The following TPRG1 variants were observed in gnomAD, a reference collection of about 807,000 sequenced individuals.
The protein encoded by TPRG1 is tumor protein p63-regulated gene 1 protein.
In TPRG1, 29 loss-of-function variants were observed where a neutral mutation model predicts 29.3. That is an observed-to-expected ratio of 0.99 (90% confidence interval 0.74 to 1.35). The LOEUF is 1.35. Among genes scored for constraint, TPRG1 ranks in the 40% most tolerant of loss-of-function variants. The pLI is 0.00. For synonymous variants in TPRG1, 130 were observed against 116.8 expected, an observed-to-expected ratio of 1.11 and a Z score of -0.73; for missense variants, 327 against 335.0, an observed-to-expected ratio of 0.98 and a Z score of 0.19.
chr3:189,113,105 T>C (rs966742146), intron 1 of TPRG1, among the ~76,000 whole-genome samples: 2 of 152,186 alleles, frequency 1.3e-5, no homozygotes, highest in African/African-American at 4.8e-5. Context: ...CCTTGTAAGT[T>C]GGATTCCTAG....
chr3:189,044,882 A>G (rs926479410), intron 4 of TPRG1, among the ~76,000 whole-genome samples: 2 of 152,232 alleles, frequency 1.3e-5, no homozygotes, highest in African/African-American at 2.4e-5. Context: ...TAAACATACA[A>G]GAGTATAGTA....
chr3:189,281,550 G>A (rs902128781), intron 4 of TPRG1, among the ~76,000 whole-genome samples: 1 of 152,118 alleles, frequency 6.6e-6, no homozygotes, highest in Non-Finnish European at 1.5e-5. Flanking sequence ...ATATGTGTGT[G>A]TGTGCACGTG....
At chr3:189,161,181 G>A (rs1304353899) in intron 5 of TPRG1, among the ~76,000 whole-genome samples, 1 of 149,420 alleles carries the variant, frequency 6.7e-6, no homozygotes, top group Non-Finnish European at 1.5e-5. Flanking sequence ...TGTCTTTTAC[G>A]ACATACAACT....
chr3:189,185,558 T>C (rs895380898), intron 1 of TPRG1, among the ~76,000 whole-genome samples: 8 of 147,192 alleles, frequency 5.4e-5, no homozygotes, highest in African/African-American at 1.9e-4. Context: ...ATTTACGACA[T>C]TTTTTTTTCC....
intron 1 of TPRG1, among the ~76,000 whole-genome samples, chr3:188,999,165 G>A (rs904772536): frequency 2.6e-5 from 4 of 152,194 alleles, no homozygotes; most frequent in Non-Finnish European, 5.9e-5. Context: ...TCAGGGGAAC[G>A]TAAGAGCTGG....
chr3:189,199,404 T>C (rs1025813510), intron 1 of TPRG1, among the ~76,000 whole-genome samples: 7 of 152,182 alleles, frequency 4.6e-5, no homozygotes, highest in Non-Finnish European at 1.0e-4. Flanking sequence ...AATAATTTAG[T>C]CCAACAGTTT....
intron 3 of TPRG1, among the ~76,000 whole-genome samples, chr3:189,136,588 C>T (rs1723773142): frequency 6.6e-6 from 1 of 152,174 alleles, no homozygotes; most frequent in Admixed American, 6.5e-5. Flanking sequence ...GCTAACTGGA[C>T]AACAAAGATA....
intron 1 of TPRG1, among the ~76,000 whole-genome samples, chr3:189,206,453 A>G (rs1734381647): frequency 1.3e-5 from 2 of 150,468 alleles, no homozygotes; most frequent in South Asian, 4.2e-4. Context: ...TCTTTTATAT[A>G]TAACCTGGTA....
chr3:189,073,534 T>C (rs1015470835), intron 4 of TPRG1, among the ~76,000 whole-genome samples: 8 of 152,206 alleles, frequency 5.3e-5, no homozygotes, highest in Non-Finnish European at 1.0e-4. Flanking sequence ...TAAATTTATC[T>C]AAAACACTCT....
chr3:189,022,375 G>C (rs1273365646), intron 3 of TPRG1, among the ~76,000 whole-genome samples: 1 of 147,216 alleles, frequency 6.8e-6, no homozygotes, highest in African/African-American at 2.5e-5. Context: ...ATCTACTTTT[G>C]GTCTTTGATG....
intron 2 of TPRG1, among the ~76,000 whole-genome samples, chr3:189,209,069 T>C (rs532514129): frequency 1.3e-5 from 2 of 152,340 alleles, no homozygotes; most frequent in African/African-American, 4.8e-5. Flanking sequence ...CTGGAACCTA[T>C]GTCTGTCTCC....
At chr3:189,091,235 G>A (rs188527087) in intron 4 of TPRG1, among the ~76,000 whole-genome samples, 1 of 152,102 alleles carries the variant, frequency 6.6e-6, no homozygotes, top group Admixed American at 6.5e-5. Flanking sequence ...CCAGTGGTTT[G>A]TAAACAGTGC....
At chr3:189,283,148 A>G (rs73055983) in intron 4 of TPRG1, among the ~76,000 whole-genome samples, 3,337 of 152,304 alleles carry the variant, frequency 0.022, 135 homozygotes, top group African/African-American at 0.077. Flanking sequence ...ATTACCAGAG[A>G]GTTTATGTAT....
intron 3 of TPRG1, among the ~76,000 whole-genome samples, chr3:189,146,230 A>G (rs557037808): frequency 2.6e-5 from 4 of 152,276 alleles, no homozygotes; most frequent in Admixed American, 2.0e-4. Context: ...TGCCGTGACT[A>G]AAGATCAGTT....
At chr3:189,115,805 T>C (rs1252043824) in intron 1 of TPRG1, among the ~76,000 whole-genome samples, 6 of 152,238 alleles carry the variant, frequency 3.9e-5, no homozygotes, top group Admixed American at 3.9e-4. Flanking sequence ...TACGAAGGTC[T>C]AAACTTTATC....
At chr3:189,209,917 A>C (rs185947798) in intron 2 of TPRG1, among the ~76,000 whole-genome samples, 4 of 152,314 alleles carry the variant, frequency 2.6e-5, no homozygotes, top group Admixed American at 1.3e-4. Context: ...CCTTCAGACC[A>C]ACAAACATAG....
rs140585626 is a variant in TPRG1, at chr3:189,051,555, G to A, written c.-463+27609G>A. Among the ~76,000 whole-genome samples the A allele has an allele frequency of 2.3e-4, 35 of 151,916 alleles. 1 individual carries two copies. The highest frequency in any genetic ancestry group is 2.3e-3 in the South Asian group (11 of 4,808). ...CTACAAATTCAAGCAATCCTCATCAGAATACCAGGATCTTTCTTCACAGAA... is the reference window on the plus strand; with the variant it reads ...CTACAAATTCAAGCAATCCTCATCAAAATACCAGGATCTTTCTTCACAGAA... On this transcript the variant is annotated intron_variant, in intron 4 of 10. Transcript: ENST00000433971.
chr3:189,208,905 G>C (rs749174751), intron 2 of TPRG1, among the ~76,000 whole-genome samples: 1 of 152,202 alleles, frequency 6.6e-6, no homozygotes, highest in Non-Finnish European at 1.5e-5. Flanking sequence ...TGGGACTATG[G>C]AAAGTTGTTT....
At position 189,107,801 on chromosome 3, in the gene TPRG1, G is replaced by T. The variant is rs531396302; in HGVS notation, c.-744+7597G>T. Among the ~76,000 whole-genome samples, 128 of 152,060 alleles carry T rather than the reference G, an allele frequency of 8.4e-4. 1 individual carries two copies. Among genetic ancestry groups the T allele is most frequent in the African/African-American group, 3.1e-3 (127 of 41,510 alleles). ...CTATCTCTCTGATTTATCTCTCAGGGTATAGAATTCTTAAATATGGTATCA... is the reference window on the plus strand; with the variant it reads ...CTATCTCTCTGATTTATCTCTCAGGTTATAGAATTCTTAAATATGGTATCA... On this transcript the variant is annotated intron_variant, in intron 1 of 6. Transcript: ENST00000412373.
Sources: gnomAD v4.1 joint callset for allele counts (sites outside exome capture counted in the v4.1 genomes callset) on GRCh38, gnomAD v4.1.1 for gene constraint, MANE v1.5 for transcripts, NCBI Gene and HGNC (gene_info 2026-07-23, HGNC 2026-07-21) for gene names.